WDR59: variants seen among roughly 807,000 people sequenced by gnomAD.
WDR59 encodes the protein WD repeat domain 59.
Under a neutral mutation model 131.2 loss-of-function variants are expected in WDR59, and 100 were observed. That is an observed-to-expected ratio of 0.76 (90% confidence interval 0.65 to 0.90). The LOEUF is 0.90. Ranked by LOEUF, WDR59 falls within the 40% of genes least tolerant of loss-of-function variation. The pLI is 0.00. For synonymous variants in WDR59, 601 were observed against 466.2 expected, an observed-to-expected ratio of 1.29 and a Z score of -3.72; for missense variants, 1,203 against 1,262.2, an observed-to-expected ratio of 0.95 and a Z score of 0.71.
rs770583537 is a variant in WDR59, at chr16:74,886,383, T to G, written c.2433A>C (p.Ala811=). Residue 811 remains alanine, a synonymous_variant, in exon 24 of 26, where the codon GCA becomes GCC. Coordinates refer to ENST00000262144, the MANE Select transcript of WDR59 (RefSeq NM_030581.4). ...CTCCCCAAGGGGAGGACAAGTGCTCTGCCTCTCTTCCCGCTGAAGAAAATC... is the reference window on the plus strand; with the variant it reads ...CTCCCCAAGGGGAGGACAAGTGCTCGGCCTCTCTTCCCGCTGAAGAAAATC... ...TGGWNIAGRE[A]EHLSSPWGES... 3.1e-6 allele frequency: 5 copies of G among 1,613,086 alleles called. No individual in the cohort carries two copies. The Admixed American group carries it at 8.3e-5, about 27-fold the overall frequency.
At chr16:74,906,386 T>C (rs947907956) in intron 17 of WDR59, among the ~76,000 whole-genome samples, 2 of 140,786 alleles carry the variant, frequency 1.4e-5, no homozygotes, top group African/African-American at 5.4e-5. Context: ...GGACTAGCAA[T>C]ACCAAGTTTT....
chr16:74,971,587 C>T (rs765317256), intron 1 of WDR59, among the ~76,000 whole-genome samples: 9 of 151,760 alleles, frequency 5.9e-5, no homozygotes, highest in East Asian at 1.9e-4. Flanking sequence ...TACCTGTCAC[C>T]GTGCCTGGCT....
rs571125033 is a variant in WDR59 at position 74,941,876 on chromosome 16, G to A, written c.534+862C>T. 2.6e-5 allele frequency among the ~76,000 whole-genome samples: 4 copies of A among 152,198 alleles called. No homozygotes were observed. In the East Asian group the frequency reaches 5.8e-4, roughly 22 times the overall value. ...TCCACTTCTCGCTTCTCTTCCAAAC[G>A]TATGGAGGGAAGGGAGCAGCCGGAA... On this transcript the variant is annotated intron_variant, in intron 7 of 25. Transcript: ENST00000262144.
At chr16:74,896,017 A>C (rs1965280796) in intron 18 of WDR59, among the ~76,000 whole-genome samples, 1 of 152,132 alleles carries the variant, frequency 6.6e-6, no homozygotes, top group African/African-American at 2.4e-5. Flanking sequence ...AGGACTTTAA[A>C]AAGCCCAGGA....
intron 7 of WDR59, among the ~76,000 whole-genome samples, chr16:74,939,396 C>T (rs1195804307): frequency 6.6e-6 from 1 of 152,040 alleles, no homozygotes; most frequent in Non-Finnish European, 1.5e-5. Flanking sequence ...CAATATACTA[C>T]AGCTATGCGA....
intron 1 of WDR59, among the ~76,000 whole-genome samples, chr16:74,970,514 A>AAAAAAAAAAAAAAAAAAAAAC (rs2033940355): frequency 2.4e-5 from 1 of 41,374 alleles, no homozygotes; most frequent in Non-Finnish European, 4.4e-5. Context: ...AAAAAAAAAA[A>AAAAAAAAAAAAAAAAAAAAAC]AAAAAAAAAA....
intron 25 of WDR59, among the ~76,000 whole-genome samples, chr16:74,875,939 G>A (rs1036887162): frequency 1.3e-5 from 2 of 152,060 alleles, no homozygotes; most frequent in African/African-American, 2.4e-5. Flanking sequence ...TTCTGTCCCC[G>A]AGATGGTGAC....
chr16:74,876,612 AC>A (rs1964226172), intron 25 of WDR59, among the ~76,000 whole-genome samples: 1 of 152,168 alleles, frequency 6.6e-6, no homozygotes, highest in African/African-American at 2.4e-5. Flanking sequence ...TAACTTTAAG[AC>A]CCTGAACTAA....
At chr16:74,917,908 A>G in intron 11 of WDR59, 21 bp downstream of exon 11, 2 of 1,608,768 alleles carry the variant, frequency 1.2e-6, no homozygotes, top group Non-Finnish European at 1.7e-6. Context: ...ACATTTCTCC[A>G]CAATAGCACT....
chr16:74,881,961 C>G (rs548305966), intron 25 of WDR59, among the ~76,000 whole-genome samples: 1 of 152,026 alleles, frequency 6.6e-6, no homozygotes, highest in South Asian at 2.1e-4. Flanking sequence ...CACAATCCTG[C>G]CCTGCTTTAT....
At chr16:74,937,281 G>C (rs111922323) in intron 8 of WDR59, among the ~76,000 whole-genome samples, 9 of 152,308 alleles carry the variant, frequency 5.9e-5, no homozygotes, top group African/African-American at 2.2e-4. Context: ...TTTCCTGTAA[G>C]TTAGAGAATC....
chr16:74,886,444 G>T (rs1183984335), intron 23 of WDR59, 48 bp from the exon 24 acceptor site: 4 of 1,600,758 alleles, frequency 2.5e-6, no homozygotes, highest in Non-Finnish European at 3.4e-6. Flanking sequence ...GAGAAGGCAT[G>T]GAAAATATCT....
intron 8 of WDR59, among the ~76,000 whole-genome samples, chr16:74,933,522 A>G (rs1816937950): frequency 6.6e-6 from 1 of 152,166 alleles, no homozygotes; most frequent in African/African-American, 2.4e-5. Flanking sequence ...AATAATTTTT[A>G]TCACTTACTG....
At chr16:74,982,142 T>A (rs1024581113) in intron 1 of WDR59, among the ~76,000 whole-genome samples, 9 of 149,960 alleles carry the variant, frequency 6.0e-5, no homozygotes, top group Admixed American at 2.0e-4. Context: ...TAATTAAAAA[T>A]TTTTTAATAA....
rs780019143 is a variant in WDR59 at position 74,951,259 on chromosome 16, G to A, written c.326+199C>T. On this transcript the variant is annotated intron_variant, in intron 4 of 25. Transcript: ENST00000262144. The stretch of plus-strand genomic sequence containing the variant: ...CTGGGATGGGGGTCAACAGCTACGC[G>A]ATGGTACTTCCTAAATGCCGGCTGT... Among the ~76,000 whole-genome samples, 14 of 151,780 alleles carry A rather than the reference G, an allele frequency of 9.2e-5. 1 individual carries two copies. The highest frequency in any genetic ancestry group is 2.0e-4 in the Admixed American group (3 of 15,238).
intron 8 of WDR59, among the ~76,000 whole-genome samples, chr16:74,935,476 A>G (rs1351768983): frequency 3.9e-5 from 6 of 152,154 alleles, no homozygotes; most frequent in South Asian, 2.1e-4. Flanking sequence ...TAGTTAAATA[A>G]TTTATAAACT....
In WDR59 at chr16:74,956,490, G is replaced by C; in HGVS notation, c.225C>G (p.His75Gln). 2 of 1,613,330 alleles carry C rather than the reference G, an allele frequency of 1.2e-6. No individual in the cohort carries two copies. Among genetic ancestry groups the C allele is most frequent in the Non-Finnish European group, 1.7e-6 (2 of 1,179,816 alleles). The change falls in exon 3 of 26, where the codon CAC (histidine) becomes CAG (glutamine). Residue 75 changes from histidine to glutamine, a missense_variant. By Grantham distance (24) the His-to-Gln change is conservative. Coordinates refer to ENST00000262144, the MANE Select transcript of WDR59 (RefSeq NM_030581.4). The stretch of plus-strand genomic sequence containing the variant: ...ATAAGCTCACCGAAGCCGCAAAATA[G>C]TGTGCAAAGCTGTCATGAGGATTCC... Reference protein sequence around the residue: ...VQWNPHDSFAHYFAASSNQRV... With the variant: ...VQWNPHDSFAQYFAASSNQRV...
At chr16:74,935,009 G>A (rs2031688716) in intron 8 of WDR59, among the ~76,000 whole-genome samples, 2 of 151,280 alleles carry the variant, frequency 1.3e-5, no homozygotes, top group South Asian at 4.1e-4. Context: ...CAGGGAGAAT[G>A]CTTGAGGTCA....
intron 3 of WDR59, among the ~76,000 whole-genome samples, chr16:74,955,008 G>A (rs549839630): frequency 5.1e-4 from 77 of 152,338 alleles, no homozygotes; most frequent in African/African-American, 1.6e-3. Context: ...GGTTTTACCC[G>A]GGAGGGATAG....
Sources: gnomAD v4.1 joint callset for allele counts (sites outside exome capture counted in the v4.1 genomes callset) on GRCh38, gnomAD v4.1.1 for gene constraint, MANE v1.5 for transcripts, NCBI Gene and HGNC (gene_info 2026-07-23, HGNC 2026-07-21) for gene names.